The following AUTS2 variants were observed in gnomAD, a reference collection of about 807,000 sequenced individuals.
AUTS2 encodes the protein activator of transcription and developmental regulator AUTS2, also known as autism susceptibility gene 2 protein.
In AUTS2, 17 loss-of-function variants were observed where a neutral mutation model predicts 112.4. The observed-to-expected ratio is 0.15, with a 90% CI of 0.10 to 0.23. The LOEUF is 0.23. AUTS2 is among the 10% of genes least tolerant of loss of function. The probability of loss-of-function intolerance (pLI) is 1.00; values close to 1 mark genes in which losing one functional copy is unlikely to be tolerated. For synonymous variants in AUTS2, 751 were observed against 702.7 expected (o/e 1.07, Z -1.09); for missense variants, 1,510 against 1,701.6 (o/e 0.89, Z 1.98).
intron 5 of AUTS2, among the ~76,000 whole-genome samples, chr7:70,628,319 T>C (rs1585402110): frequency 2.0e-5 from 1 of 49,194 alleles, no homozygotes; most frequent in African/African-American, 1.1e-4. Context: ...CAAAACTATA[T>C]ATATATATAC....
chr7:70,260,342 G>A (rs1688607717), intron 4 of AUTS2, among the ~76,000 whole-genome samples: 1 of 151,952 alleles, frequency 6.6e-6, no homozygotes, highest in African/African-American at 2.4e-5. Context: ...CTCCTGCCTG[G>A]GTGACAGAGC....
At chr7:70,027,434 G>A (rs976432580) in intron 2 of AUTS2, among the ~76,000 whole-genome samples, 3 of 151,986 alleles carry the variant, frequency 2.0e-5, no homozygotes, top group South Asian at 4.2e-4. Context: ...CCTTGGGTTT[G>A]CCTCCATTAC....
intron 1 of AUTS2, among the ~76,000 whole-genome samples, chr7:69,650,042 G>A (rs1406790869): frequency 6.6e-6 from 1 of 152,206 alleles, no homozygotes; most frequent in East Asian, 1.9e-4. Flanking sequence ...CACTGTGGAT[G>A]GTTGGAGATT....
At chr7:70,298,017 G>T (rs1789025649) in intron 4 of AUTS2, among the ~76,000 whole-genome samples, 1 of 151,574 alleles carries the variant, frequency 6.6e-6, no homozygotes, top group Admixed American at 6.6e-5. Flanking sequence ...CTCTTTTTTT[G>T]GTTTTTTTTG....
chr7:69,691,589 G>A (rs1382519863), intron 1 of AUTS2, among the ~76,000 whole-genome samples: 4 of 152,026 alleles, frequency 2.6e-5, no homozygotes, highest in African/African-American at 7.2e-5. Context: ...AGCAGGTGCC[G>A]GGAGTGGGGA....
At chr7:70,513,867 C>A (rs1485131919) in intron 5 of AUTS2, among the ~76,000 whole-genome samples, 1 of 151,996 alleles carries the variant, frequency 6.6e-6, no homozygotes, top group Non-Finnish European at 1.5e-5. Context: ...ACCATGTTGC[C>A]CAGGCTGGTC....
At chr7:69,605,482 T>C (rs1354659525) in intron 1 of AUTS2, among the ~76,000 whole-genome samples, 2 of 152,228 alleles carry the variant, frequency 1.3e-5, no homozygotes, top group Non-Finnish European at 2.9e-5. Flanking sequence ...AGCCCAATTC[T>C]GATGCCACCA....
In AUTS2 at chr7:70,283,940, C is replaced by T. The variant is rs186738636; in HGVS notation, c.660+149369C>T. ...TTACTTTTCAAAGACAAAATCAGAT[C>T]ATACTAGTATATCACAATCCCGTAG... is the stretch of plus-strand genomic sequence containing the variant. On this transcript the variant is annotated intron_variant, in intron 4 of 18. Coordinates refer to ENST00000342771, the MANE Select transcript of AUTS2 (RefSeq NM_015570.4). Among the ~76,000 whole-genome samples the T allele has an allele frequency of 2.8e-3, 419 of 152,270 alleles. 1 individual carries two copies. The highest frequency in any genetic ancestry group is 9.3e-3 in the African/African-American group (385 of 41,546).
chr7:69,877,650 G>A (rs563192927), intron 1 of AUTS2, among the ~76,000 whole-genome samples: 3 of 152,038 alleles, frequency 2.0e-5, no homozygotes, highest in South Asian at 2.1e-4. Flanking sequence ...TTTTGTTGCC[G>A]TCTTTATTTC....
intron 4 of AUTS2, among the ~76,000 whole-genome samples, chr7:70,254,368 C>T (rs372200427): frequency 6.6e-6 from 1 of 152,164 alleles, no homozygotes; most frequent in South Asian, 2.1e-4. Context: ...ATTATTCCAA[C>T]CCTTCTTAAG....
intron 1 of AUTS2, among the ~76,000 whole-genome samples, chr7:69,757,954 A>G (rs543099976): frequency 5.4e-4 from 83 of 152,344 alleles, no homozygotes; most frequent in African/African-American, 2.0e-3. Flanking sequence ...TAAACGTTTC[A>G]CTAAATAAAC....
intron 6 of AUTS2, among the ~76,000 whole-genome samples, chr7:70,700,631 A>T (rs1038648296): frequency 1.3e-5 from 2 of 152,124 alleles, no homozygotes; most frequent in African/African-American, 4.8e-5. Flanking sequence ...AGCATCGGGG[A>T]CAGTTTTGTT....
intron 10 of AUTS2, 64 bp downstream of exon 10, chr7:70,768,132 C>A: frequency 6.8e-7 from 1 of 1,468,832 alleles, no homozygotes; most frequent in Non-Finnish European, 9.3e-7. Context: ...GCTCTTGCCA[C>A]AGATCAGTCA....
chr7:70,129,113 G>A (rs568096450), intron 3 of AUTS2, among the ~76,000 whole-genome samples: 1 of 152,244 alleles, frequency 6.6e-6, no homozygotes, highest in African/African-American at 2.4e-5. Flanking sequence ...TGAGAAATTG[G>A]CTCAGTTTTG....
chr7:70,084,396 A>G (rs1803483843), intron 2 of AUTS2, among the ~76,000 whole-genome samples: 1 of 152,220 alleles, frequency 6.6e-6, no homozygotes, highest in African/African-American at 2.4e-5. Flanking sequence ...TCTTGGACAA[A>G]TAAGAGTGGA....
intron 1 of AUTS2, among the ~76,000 whole-genome samples, chr7:69,666,554 A>AT (rs1484792665): frequency 6.6e-6 from 1 of 152,160 alleles, no homozygotes; most frequent in Admixed American, 6.5e-5. Context: ...AGGCACTGGC[A>AT]TTGCACCATG....
chr7:70,413,650 A>C (rs906680079), intron 4 of AUTS2, among the ~76,000 whole-genome samples: 62 of 151,276 alleles, frequency 4.1e-4, no homozygotes, highest in African/African-American at 1.5e-3. Context: ...GAGTTACCTA[A>C]GCACAATTTC....
chr7:70,462,883 G>A lies in AUTS2; in HGVS notation c.690+27102G>A, dbSNP rs1380772318. ...GAGGCAGGGAGAATTGCTTGAACCC[G>A]GGAAGCGGAGATTGCAGTGACCCGA... On this transcript the variant is annotated intron_variant, in intron 5 of 18. Transcript: ENST00000342771. Among the ~76,000 whole-genome samples the A allele has an allele frequency of 2.6e-5, 4 of 152,102 alleles. No individual in the cohort carries two copies. In the South Asian group the frequency reaches 6.2e-4, roughly 24 times the overall value.
At chr7:70,775,278 TGAA>T in intron 12 of AUTS2, 76 bp from the exon 13 acceptor site, 1 of 1,174,224 alleles carries the variant, frequency 8.5e-7, no homozygotes, top group Non-Finnish European at 1.3e-6. Context: ...CCCCTCCTAA[TGAA>T]GCACTACAAA....
Sources: allele counts gnomAD v4.1 joint callset (sites outside exome capture counted in the v4.1 genomes callset), GRCh38; gene constraint gnomAD v4.1.1; transcripts MANE v1.5; gene names NCBI Gene and HGNC (gene_info 2026-07-23, HGNC 2026-07-21).